MXI1: variants seen among roughly 807,000 people sequenced by gnomAD.
The protein encoded by MXI1 is max-interacting protein 1.
Under a neutral mutation model 36.9 loss-of-function variants are expected in MXI1, and 18 were observed. The observed-to-expected ratio is 0.49, with a 90% CI of 0.34 to 0.72. The LOEUF is 0.72. MXI1 is among the 30% of genes least tolerant of loss of function. The pLI, the probability that MXI1 is intolerant of heterozygous loss-of-function variation, is 0.01. For synonymous variants in MXI1, 160 were observed against 146.7 expected (o/e 1.09, Z -0.65); for missense variants, 304 against 379.1 (o/e 0.80, Z 1.64).
intron 3 of MXI1, among the ~76,000 whole-genome samples, chr10:110,269,209 A>T (rs1307591023): frequency 1.3e-5 from 2 of 152,238 alleles, no homozygotes; most frequent in African/African-American, 4.8e-5. Flanking sequence ...CAGGTTGCTC[A>T]TATTCAGTAC....
intron 3 of MXI1, among the ~76,000 whole-genome samples, chr10:110,262,540 G>T (rs906447158): frequency 1.3e-5 from 2 of 152,094 alleles, no homozygotes; most frequent in African/African-American, 2.4e-5. Context: ...CGATCATGTT[G>T]ATTTTATTGT....
At chr10:110,212,183 A>G (rs2134323326) in intron 1 of MXI1, among the ~76,000 whole-genome samples, 1 of 152,308 alleles carries the variant, frequency 6.6e-6, no homozygotes, top group East Asian at 1.9e-4. Context: ...ATGAGAGTAG[A>G]AAGCCATAAG....
At chr10:110,252,966 T>C (rs1044082054) in intron 3 of MXI1, among the ~76,000 whole-genome samples, 1 of 152,130 alleles carries the variant, frequency 6.6e-6, no homozygotes, top group Non-Finnish European at 1.5e-5. Flanking sequence ...TATCGTACTT[T>C]TTTAGAAGCA....
intron 1 of MXI1, among the ~76,000 whole-genome samples, chr10:110,214,089 G>A (rs928297023): frequency 2.6e-5 from 4 of 152,170 alleles, no homozygotes; most frequent in Non-Finnish European, 4.4e-5. Flanking sequence ...AGTAAGTCGC[G>A]GAGCTGAGTT....
chr10:110,262,530 C>T (rs1045059175), intron 3 of MXI1, among the ~76,000 whole-genome samples: 2 of 152,020 alleles, frequency 1.3e-5, no homozygotes, highest in Non-Finnish European at 1.5e-5. Context: ...CAAGGGGAAA[C>T]GATCATGTTG....
chr10:110,221,139 A>C (rs1238325651), intron 1 of MXI1, among the ~76,000 whole-genome samples: 11 of 152,196 alleles, frequency 7.2e-5, no homozygotes. Flanking sequence ...AATGAACCAT[A>C]AACAGAAAAA....
chr10:110,235,898 T>C (rs1302796508), intron 2 of MXI1, among the ~76,000 whole-genome samples: 3 of 151,750 alleles, frequency 2.0e-5, no homozygotes, highest in Non-Finnish European at 4.4e-5. Flanking sequence ...TCCCAGCTAC[T>C]TGGGAGGCTG....
At chr10:110,246,110 CAA>C (rs1019224943) in intron 3 of MXI1, among the ~76,000 whole-genome samples, 2 of 151,966 alleles carry the variant, frequency 1.3e-5, no homozygotes, top group African/African-American at 4.8e-5. Flanking sequence ...TCGCTTGAAG[CAA>C]AGAGTTCGAG....
chr10:110,284,761 A>G, intron 5 of MXI1, 63 bp from the exon 6 acceptor site: 2 of 1,423,682 alleles, frequency 1.4e-6, no homozygotes, highest in African/African-American at 1.5e-5. Context: ...TCATGCTGTT[A>G]GTTTTTGAAG....
chr10:110,261,558 G>C (rs1356326456), intron 3 of MXI1, among the ~76,000 whole-genome samples: 1 of 151,792 alleles, frequency 6.6e-6, no homozygotes, highest in Non-Finnish European at 1.5e-5. Context: ...AGAGATGAAT[G>C]ATCTTTAAGA....
At chr10:110,284,175 C>T (rs1857360759) in intron 5 of MXI1, among the ~76,000 whole-genome samples, 1 of 151,670 alleles carries the variant, frequency 6.6e-6, no homozygotes, top group African/African-American at 2.4e-5. Context: ...CTGTATACTA[C>T]CACCAAAATG....
Position 110,209,902 on chromosome 10 carries a change from GC to G in MXI1, c.274+1821del, listed in dbSNP as rs199713002. ...CATGAGGGCACGTTGGCAGTGTGTG[GC>G]AAACCTGGCTTGCCCCCCTACCCCA... is the stretch of plus-strand genomic sequence containing the variant. On this transcript the variant is annotated intron_variant, in intron 1 of 5. Coordinates refer to ENST00000332674, the MANE Select transcript of MXI1 (RefSeq NM_130439.3). 8.0e-3 allele frequency among the ~76,000 whole-genome samples: 1,210 copies of G among 152,028 alleles called. 9 individuals carry two copies. The highest frequency in any genetic ancestry group is 0.027 in the African/African-American group (1,135 of 41,414).
At chr10:110,214,420 C>T (rs560643282) in intron 1 of MXI1, among the ~76,000 whole-genome samples, 4 of 152,190 alleles carry the variant, frequency 2.6e-5, no homozygotes, top group Admixed American at 1.3e-4. Flanking sequence ...CACCACCCCC[C>T]TCCTGCTGCC....
intron 1 of MXI1, chr10:110,208,380 A>G (rs1854415494): frequency 1.3e-5 from 3 of 238,018 alleles, no homozygotes; most frequent in South Asian, 1.3e-4. Flanking sequence ...TTTGCTGACA[A>G]CTGAGCCGAG....
chr10:110,222,828 A>G (rs977157515), intron 1 of MXI1, among the ~76,000 whole-genome samples: 1 of 152,184 alleles, frequency 6.6e-6, no homozygotes, highest in Non-Finnish European at 1.5e-5. Flanking sequence ...GTTTGTGGGT[A>G]GCATTACTTT....
intron 3 of MXI1, among the ~76,000 whole-genome samples, chr10:110,251,035 A>AAG (rs1193693458): frequency 5.0e-5 from 6 of 120,914 alleles, no homozygotes; most frequent in African/African-American, 2.3e-4. Context: ...AAAAAAAAAA[A>AAG]AGAGAAGGAT....
intron 3 of MXI1, among the ~76,000 whole-genome samples, chr10:110,251,758 A>G (rs1267600853): frequency 1.3e-5 from 2 of 152,176 alleles, no homozygotes; most frequent in African/African-American, 4.8e-5. Flanking sequence ...ATATAAGAAA[A>G]GAATAAGGAA....
intron 1 of MXI1, 29 bp downstream of exon 1, chr10:110,208,111 G>C: frequency 6.4e-7 from 1 of 1,561,876 alleles, no homozygotes; most frequent in Non-Finnish European, 8.6e-7. Context: ...GCTCTTCCTC[G>C]GCGCCCGGTT....
chr10:110,286,579 T>C lies in MXI1; in HGVS notation c.*1592T>C, dbSNP rs539651942. On this transcript the variant is annotated 3_prime_UTR_variant, in exon 6 of 6. Transcript: ENST00000332674. ...TTCAGTCCTGTAGTTTTATTTTATG[T>C]TTAGATAGGGCTGGGCAAGGAAAAA... 6.6e-6 allele frequency: 1 copy of C among 152,582 alleles called. No homozygotes were observed. Among genetic ancestry groups the C allele is most frequent in the Non-Finnish European group, 1.5e-5 (1 of 68,042 alleles). 9.5% of individuals were successfully genotyped at this position (152,582 alleles called of 1,614,324 possible). A position where few individuals can be genotyped will look rare whatever the true frequency, so the allele number is the denominator to read the frequency against.
Sources: allele counts gnomAD v4.1 joint callset (sites outside exome capture counted in the v4.1 genomes callset), GRCh38; gene constraint gnomAD v4.1.1; transcripts MANE v1.5; gene names NCBI Gene and HGNC (gene_info 2026-07-23, HGNC 2026-07-21).